The following DENND2B variants were observed in gnomAD, a reference collection of about 807,000 sequenced individuals.
DENND2B encodes the protein DENN domain containing 2B, also known as DENN domain-containing protein 2B.
In DENND2B, 32 loss-of-function variants were observed where a neutral mutation model predicts 116.0. The ratio of observed to expected loss-of-function variants is 0.28; its 90% confidence interval spans 0.21 to 0.37. DENND2B has a LOEUF of 0.37. Among genes scored for constraint, DENND2B ranks in the 10% least tolerant of loss-of-function variants. The pLI is 1.00. For synonymous variants in DENND2B, 588 were observed against 583.9 expected, an observed-to-expected ratio of 1.01 and a Z score of -0.10; for missense variants, 1,276 against 1,477.7, an observed-to-expected ratio of 0.86 and a Z score of 2.24.
intron 1 of DENND2B, among the ~76,000 whole-genome samples, chr11:8,905,115 T>C (rs1316972621): frequency 6.6e-6 from 1 of 152,064 alleles, no homozygotes; most frequent in Non-Finnish European, 1.5e-5. Flanking sequence ...ATGAAGAACA[T>C]AGTTGATATA....
At chr11:8,893,242 G>GT (rs2064056478) in intron 1 of DENND2B, among the ~76,000 whole-genome samples, 2 of 152,188 alleles carry the variant, frequency 1.3e-5, no homozygotes, top group Admixed American at 1.3e-4. Flanking sequence ...TTGATGGGAC[G>GT]TATCTCAAAA....
chr11:8,812,149 G>A (rs2061407559), upstream of DENND2B, among the ~76,000 whole-genome samples: 1 of 152,176 alleles, frequency 6.6e-6, no homozygotes. Flanking sequence ...GTTCGCCCTA[G>A]TCCAGCACAC....
chr11:8,897,821 G>C (rs540959442), intron 1 of DENND2B, among the ~76,000 whole-genome samples: 3 of 152,216 alleles, frequency 2.0e-5, no homozygotes, highest in South Asian at 4.1e-4. Context: ...GGTCTCACAT[G>C]GTTGCTCAGG....
At chr11:8,785,159 T>C (rs2134286665) in intron 1 of DENND2B, 1 of 152,246 alleles carries the variant, frequency 6.6e-6, no homozygotes, top group South Asian at 2.1e-4. Context: ...CCCCTAGGCT[T>C]TTGGACTTGG....
chr11:8,751,587 C>T (rs1486675671), intron 1 of DENND2B, among the ~76,000 whole-genome samples: 1 of 142,488 alleles, frequency 7.0e-6, no homozygotes, highest in Non-Finnish European at 1.5e-5. Context: ...GGAAAAAACT[C>T]CGAACACATC....
intron 4 of DENND2B, chr11:8,718,416 C>CT: frequency 6.5e-7 from 1 of 1,528,558 alleles, no homozygotes; most frequent in Non-Finnish European, 8.8e-7. Flanking sequence ...CTTCGCCAGG[C>CT]CCCCTTCTCA....
intron 2 of DENND2B, among the ~76,000 whole-genome samples, chr11:8,870,316 T>A (rs1460489380): frequency 6.6e-6 from 1 of 152,230 alleles, no homozygotes; most frequent in Non-Finnish European, 1.5e-5. Flanking sequence ...CTCTACTCAG[T>A]TACTAAATTA....
In DENND2B at chr11:8,765,947, G is replaced by A. The variant is rs1022901178; in HGVS notation, c.-25-15222C>T. On this transcript the variant is annotated intron_variant, in intron 1 of 19. Transcript: ENST00000313726. ...CCAGCTACTAGGGAGGCTGAGGCAGGAGGATCACTTGAACCTGGGAGGCGG... is the reference window on the plus strand; with the variant it reads ...CCAGCTACTAGGGAGGCTGAGGCAGAAGGATCACTTGAACCTGGGAGGCGG... Among the ~76,000 whole-genome samples the A allele has an allele frequency of 2.0e-5, 3 of 152,256 alleles. No homozygotes were observed. The East Asian group carries it at 5.8e-4, about 29-fold the overall frequency.
chr11:8,724,485 T>G (rs961850206), intron 4 of DENND2B, among the ~76,000 whole-genome samples: 1 of 152,182 alleles, frequency 6.6e-6, no homozygotes, highest in Non-Finnish European at 1.5e-5. Context: ...CTCACTGACC[T>G]ACACTGACAC....
At position 8,729,994 on chromosome 11, in the gene DENND2B, C is replaced by T; in HGVS notation, c.1296G>A (p.Arg432=). ...GACCACGCATGTCCTTCTTGGGTCT[C>T]CGGGTGACTGGCGGGGCTGGGGTGG... is the stretch of plus-strand genomic sequence containing the variant. The part of the protein sequence containing the change: ...LPSTPAPPVT[R]RPKKDMRGHR... Residue 432 remains arginine, a synonymous_variant, in exon 3 of 20, where the codon CGG becomes CGA. Coordinates refer to ENST00000313726, the MANE Select transcript of DENND2B (RefSeq NM_213618.2). The T allele has an allele frequency of 6.2e-7, 1 of 1,614,080 alleles. No individual in the cohort carries two copies. Among genetic ancestry groups the T allele is most frequent in the Non-Finnish European group, 8.5e-7 (1 of 1,180,018 alleles).
At chr11:8,776,156 G>A (rs370311923) in intron 1 of DENND2B, 39,037 of 305,812 alleles carry the variant, frequency 0.13, 1,662 homozygotes, top group African/African-American at 0.25. Flanking sequence ...GCACGCGCGC[G>A]CGCGCACACA....
chr11:8,757,224 A>C, intron 1 of DENND2B: 1 of 388,574 alleles, frequency 2.6e-6, no homozygotes, highest in Non-Finnish European at 5.1e-6. Flanking sequence ...TAATAGCAAT[A>C]TGACCTACCT....
At chr11:8,837,230 G>A (rs1321671936) in intron 4 of DENND2B, among the ~76,000 whole-genome samples, 1 of 138,940 alleles carries the variant, frequency 7.2e-6, no homozygotes, top group Non-Finnish European at 1.6e-5. Flanking sequence ...AGCTCTGTCT[G>A]AGTAAGTGTA....
At chr11:8,749,848 G>A (rs2052024907) in intron 2 of DENND2B, among the ~76,000 whole-genome samples, 1 of 152,150 alleles carries the variant, frequency 6.6e-6, no homozygotes, top group Non-Finnish European at 1.5e-5. Context: ...AAGACTAAAG[G>A]TTCTTTTAAG....
At chr11:8,892,150 A>G (rs1247406136) in intron 1 of DENND2B, among the ~76,000 whole-genome samples, 3 of 152,252 alleles carry the variant, frequency 2.0e-5, no homozygotes, top group Admixed American at 6.5e-5. Context: ...TACTGGGTAC[A>G]TAATGAAATG....
intron 1 of DENND2B, among the ~76,000 whole-genome samples, chr11:8,892,801 C>T (rs542219818): frequency 6.0e-4 from 91 of 152,272 alleles, no homozygotes; most frequent in African/African-American, 1.7e-3. Flanking sequence ...GATTCACAGT[C>T]GAATTCTACC....
intron 13 of DENND2B, among the ~76,000 whole-genome samples, chr11:8,703,802 C>T (rs893936622): frequency 5.9e-5 from 9 of 152,178 alleles, no homozygotes; most frequent in African/African-American, 1.9e-4. Context: ...GGCATGGTAA[C>T]GGTCTGTGTC....
rs1458951919 is a variant in DENND2B, at chr11:8,712,919, C to G, written c.1988-184G>C. Among the ~76,000 whole-genome samples the G allele has an allele frequency of 1.3e-5, 2 of 152,198 alleles. No individual in the cohort carries two copies. Among genetic ancestry groups the G allele is most frequent in the Non-Finnish European group, 2.9e-5 (2 of 68,038 alleles). Reference sequence around the variant, plus strand: ...AGGTGCTGACCCCTGCACAAAGACTCTGCCCTGACACAGGAAGCTGCGGGC... The same window carrying G: ...AGGTGCTGACCCCTGCACAAAGACTGTGCCCTGACACAGGAAGCTGCGGGC... On this transcript the variant is annotated intron_variant, in intron 8 of 19. Coordinates refer to ENST00000313726, the MANE Select transcript of DENND2B (RefSeq NM_213618.2). This position sits in a 1 kb window ranked among gnomAD's most constrained non-coding sequence, Gnocchi z 4.4.
At chr11:8,828,966 G>A (rs1199336351) in intron 4 of DENND2B, among the ~76,000 whole-genome samples, 1 of 150,392 alleles carries the variant, frequency 6.6e-6, no homozygotes, top group Non-Finnish European at 1.5e-5. Flanking sequence ...GTGTGTGTGT[G>A]GGTGTGTGTG....
Sources: allele counts gnomAD v4.1 joint callset (sites outside exome capture counted in the v4.1 genomes callset), GRCh38; gene constraint gnomAD v4.1.1; non-coding constraint Gnocchi (gnomAD v3.1); transcripts MANE v1.5; gene names NCBI Gene and HGNC (gene_info 2026-07-23, HGNC 2026-07-21).